The following ATP2B4 variants were observed in gnomAD, a reference collection of about 807,000 sequenced individuals.
The protein encoded by ATP2B4 is ATPase plasma membrane Ca2+ transporting 4, also known as plasma membrane calcium-transporting ATPase 4.
A neutral mutation model predicts 110.3 loss-of-function variants in ATP2B4; 39 were observed. That is an observed-to-expected ratio of 0.35 (90% CI 0.27 to 0.46). The LOEUF is 0.46. ATP2B4 is among the 20% of genes least tolerant of loss of function. ATP2B4 has a pLI of 1.00. For missense variants in ATP2B4, 1,135 were observed against 1,530.9 expected (o/e 0.74, Z 4.32); for synonymous variants, 538 against 571.7 (o/e 0.94, Z 0.84).
At chr1:203,643,200 T>G (rs951793939) in intron 1 of ATP2B4, among the ~76,000 whole-genome samples, 1 of 151,976 alleles carries the variant, frequency 6.6e-6, no homozygotes, top group African/African-American at 2.4e-5. Context: ...GCAAGAAGAG[T>G]CCTGGTGAAA....
At chr1:203,701,561 T>G (rs1282730518) in intron 6 of ATP2B4, among the ~76,000 whole-genome samples, 1 of 152,246 alleles carries the variant, frequency 6.6e-6, no homozygotes, top group African/African-American at 2.4e-5. Flanking sequence ...CATCTTGAGC[T>G]GTTTAGTGGA....
chr1:203,719,225 G>GAAAAAA (rs60841821), intron 15 of ATP2B4, among the ~76,000 whole-genome samples: 11 of 54,400 alleles, frequency 2.0e-4, no homozygotes, highest in African/African-American at 7.5e-4. Flanking sequence ...ACCCTGTCTC[G>GAAAAAA]AAAAAAAAAA....
intron 12 of ATP2B4, among the ~76,000 whole-genome samples, chr1:203,711,502 A>G (rs760187049): frequency 2.0e-5 from 3 of 152,140 alleles, no homozygotes; most frequent in Non-Finnish European, 2.9e-5. Context: ...GTTTAGACAG[A>G]TGGACTATTA....
chr1:203,649,649 C>G (rs765382284), intron 1 of ATP2B4, among the ~76,000 whole-genome samples: 2 of 152,050 alleles, frequency 1.3e-5, no homozygotes, highest in Non-Finnish European at 2.9e-5. Flanking sequence ...AAAAAAATAG[C>G]CAGGCCTGGT....
chr1:203,633,002 A>G (rs1432369578), intron 1 of ATP2B4, among the ~76,000 whole-genome samples: 1 of 152,184 alleles, frequency 6.6e-6, no homozygotes, highest in Admixed American at 6.5e-5. Flanking sequence ...TTCTAAGTAC[A>G]ACTTCCCACG....
At chr1:203,663,609 C>G (rs1029573428) in intron 1 of ATP2B4, among the ~76,000 whole-genome samples, 2 of 151,770 alleles carry the variant, frequency 1.3e-5, no homozygotes, top group Non-Finnish European at 2.9e-5. Context: ...CTCTCTCTCT[C>G]TCTTTTTTTT....
At chr1:203,714,919 C>CT (rs553775945) in intron 15 of ATP2B4, among the ~76,000 whole-genome samples, 163 of 151,932 alleles carry the variant, frequency 1.1e-3, no homozygotes, top group African/African-American at 3.8e-3. Context: ...TTAGAGAACT[C>CT]TTTTTTTTAA....
At position 203,707,155 on chromosome 1, in the gene ATP2B4, G is replaced by A; in HGVS notation, c.1246G>A (p.Val416Ile). The A allele has an allele frequency of 6.2e-7, 1 of 1,614,172 alleles. No homozygotes were observed. The highest frequency in any genetic ancestry group is 1.1e-5 in the South Asian group (1 of 91,074). ...FVKFFIIGITVLVVAVPEGLP... is the reference protein window; with the variant it reads ...FVKFFIIGITILVVAVPEGLP... ...CAAGTTCTTCATCATCGGCATCACT[G>A]TACTGGTGGTGGCTGTGCCAGAGGG... Residue 416 changes from valine (V) to isoleucine (I), a missense_variant, in exon 9 of 21, where the codon GTA becomes ATA. Val to Ile is a conservative substitution (Grantham distance 29, BLOSUM62 3). Transcript: ENST00000357681.
rs1309126860 is a variant in ATP2B4, at chr1:203,707,128, G to A, written c.1219G>A (p.Val407Ile). The A allele has an allele frequency of 6.2e-7, 1 of 1,614,164 alleles. No individual in the cohort carries two copies. The highest frequency in any genetic ancestry group is 2.2e-5 in the East Asian group (1 of 44,878). Residue 407 changes from valine (V) to isoleucine (I), a missense_variant, in exon 9 of 21, where the codon GTC becomes ATC. Val to Ile is a conservative substitution (Grantham distance 29). Coordinates refer to ENST00000357681, the MANE Select transcript of ATP2B4 (RefSeq NM_001684.5). The part of the protein sequence containing the change: ...ECTPIYIQYF[V>I]KFFIIGITVL... The stretch of plus-strand genomic sequence containing the variant: ...TACTCCCATCTACATCCAGTACTTT[G>A]TCAAGTTCTTCATCATCGGCATCAC...
intron 16 of ATP2B4, 146 bp from the exon 17 acceptor site, chr1:203,721,051 G>A (rs1666306144): frequency 2.3e-6 from 2 of 852,736 alleles, no homozygotes; most frequent in East Asian, 5.3e-5. Context: ...GAGGCTCAAG[G>A]AAGTTAAGTA....
At chr1:203,724,846 T>A (rs1439309488) in intron 19 of ATP2B4, among the ~76,000 whole-genome samples, 1 of 146,588 alleles carries the variant, frequency 6.8e-6, no homozygotes, top group Admixed American at 6.8e-5. Flanking sequence ...AATGACTGCC[T>A]GGGTTTGAAT....
intron 1 of ATP2B4, among the ~76,000 whole-genome samples, chr1:203,630,626 C>A (rs1370928242): frequency 6.6e-6 from 1 of 152,192 alleles, no homozygotes; most frequent in African/African-American, 2.4e-5. Context: ...TCTTAACTAT[C>A]CTTCTCTGGA....
Position 203,708,005 on chromosome 1 carries a change from T to C in ATP2B4, c.1458T>C (p.His486=). The C allele has an allele frequency of 6.2e-7, 1 of 1,614,184 alleles. No homozygotes were observed. The highest frequency in any genetic ancestry group is 8.5e-7 in the Non-Finnish European group (1 of 1,180,032). The change falls in exon 10 of 21, where the codon CAT becomes CAC. Residue 486 remains histidine, a synonymous_variant. Coordinates refer to ENST00000357681, the MANE Select transcript of ATP2B4 (RefSeq NM_001684.5). ...TACAAGCTTATATTGGGGGCATCCA[T>C]TACCGTCAAATCCCAAGCCCTGATG... ...TVVQAYIGGI[H]YRQIPSPDVF... is the part of the protein sequence containing the mutation.
chr1:203,729,503 C>G (rs1421200622), intron 20 of ATP2B4: 1 of 395,488 alleles, frequency 2.5e-6, no homozygotes, highest in African/African-American at 2.2e-5. Flanking sequence ...TGAGATCGCG[C>G]CATTACACAC....
intron 20 of ATP2B4, among the ~76,000 whole-genome samples, chr1:203,735,061 C>T (rs192543198): frequency 4.2e-5 from 6 of 144,052 alleles, no homozygotes; most frequent in South Asian, 4.4e-4. Flanking sequence ...CATGAAGGTA[C>T]GAGAAATATA....
chr1:203,731,990 A>G (rs1297404639), intron 20 of ATP2B4, among the ~76,000 whole-genome samples: 1 of 151,790 alleles, frequency 6.6e-6, no homozygotes, highest in African/African-American at 2.4e-5. Context: ...CATCCTGGCT[A>G]ACACAGTGAA....
At chr1:203,636,647 C>T (rs1034222375) in intron 1 of ATP2B4, among the ~76,000 whole-genome samples, 1 of 152,180 alleles carries the variant, frequency 6.6e-6, no homozygotes, top group African/African-American at 2.4e-5. Flanking sequence ...GTAATCTGGA[C>T]TCTTGTCTGC....
At chr1:203,705,780 C>CTTTAT (rs1294195530) in intron 8 of ATP2B4, among the ~76,000 whole-genome samples, 1 of 152,150 alleles carries the variant, frequency 6.6e-6, no homozygotes, top group Non-Finnish European at 1.5e-5. Flanking sequence ...TCCTCTGTTG[C>CTTTAT]TTTATTTTAT....
intron 1 of ATP2B4, among the ~76,000 whole-genome samples, chr1:203,670,778 G>C (rs1388667759): frequency 6.6e-6 from 1 of 152,184 alleles, no homozygotes; most frequent in East Asian, 1.9e-4. Context: ...GCTAACCAGG[G>C]CTGTCAGTTA....
Sources: allele counts gnomAD v4.1 joint callset (sites outside exome capture counted in the v4.1 genomes callset), GRCh38; gene constraint gnomAD v4.1.1; transcripts MANE v1.5; gene names NCBI Gene and HGNC (gene_info 2026-07-23, HGNC 2026-07-21).